Variants in ITGA4 observed in about 807,000 individuals in gnomAD.
ITGA4 encodes the protein integrin subunit alpha 4.
A neutral mutation model predicts 133.6 loss-of-function variants in ITGA4; 63 were observed. That is an observed-to-expected ratio of 0.47 (90% CI 0.38 to 0.58). The LOEUF (loss-of-function observed/expected upper bound fraction) is 0.58. Among genes scored for constraint, ITGA4 ranks in the 20% least tolerant of loss-of-function variants. The probability of loss-of-function intolerance (pLI) is 0.00; values close to 1 mark genes in which losing one functional copy is unlikely to be tolerated. For synonymous variants in ITGA4, 483 were observed against 438.0 expected (o/e 1.10, Z -1.28); for missense variants, 1,076 against 1,252.7 (o/e 0.86, Z 2.13).
intron 15 of ITGA4, among the ~76,000 whole-genome samples, chr2:181,505,913 C>T (rs530671909): frequency 2.0e-5 from 3 of 152,128 alleles, no homozygotes; most frequent in African/African-American, 7.2e-5. Context: ...ATGATTTAAT[C>T]AAGTTTGCTA....
At chr2:181,531,198 C>T (rs1574415178) in intron 24 of ITGA4, among the ~76,000 whole-genome samples, 1 of 152,204 alleles carries the variant, frequency 6.6e-6, no homozygotes, top group East Asian at 1.9e-4. Context: ...TTGTTCCAGA[C>T]CCTTCAGGAC....
intron 20 of ITGA4, among the ~76,000 whole-genome samples, chr2:181,524,606 C>T (rs1027263763): frequency 3.3e-5 from 5 of 151,996 alleles, no homozygotes; most frequent in African/African-American, 9.7e-5. Flanking sequence ...AATAGGAAAT[C>T]GTTAATGACT....
At chr2:181,531,802 C>T (rs558051520) in intron 25 of ITGA4, 26 bp downstream of exon 25, 8 of 1,546,108 alleles carry the variant, frequency 5.2e-6, no homozygotes, top group Non-Finnish European at 6.1e-6. Context: ...ACATTGACAA[C>T]TTGGTGGCTA....
In ITGA4 at chr2:181,535,533, T is replaced by C. The variant is rs1443540014; in HGVS notation, c.*6T>C. On this transcript the variant is annotated 3_prime_UTR_variant, in exon 28 of 28. Transcript: ENST00000397033. ...GTAAAAGCAATGATGATTAAGGACT[T>C]CTTTCAAATTGAGAGAATGGAAAAC... 6.3e-7 allele frequency: 1 copy of C among 1,596,658 alleles called. No homozygotes were observed.
chr2:181,513,647 T>A (rs1686549852), intron 17 of ITGA4, among the ~76,000 whole-genome samples: 1 of 152,090 alleles, frequency 6.6e-6, no homozygotes, highest in Admixed American at 6.6e-5. Flanking sequence ...CATTTTAGAC[T>A]TAAAATCTAA....
At chr2:181,515,818 C>T (rs1686592757) in intron 17 of ITGA4, among the ~76,000 whole-genome samples, 1 of 152,000 alleles carries the variant, frequency 6.6e-6, no homozygotes, top group South Asian at 2.1e-4. Flanking sequence ...AAACAGTAGG[C>T]GAATTGTGAC....
rs1385984165 is a variant in ITGA4 at position 181,536,039 on chromosome 2, C to T, written c.*512C>T. 6.6e-6 allele frequency: 1 copy of T among 151,952 alleles called. No individual in the cohort carries two copies. The highest frequency in any genetic ancestry group is 2.4e-5 in the African/African-American group (1 of 41,344). 9.4% of individuals were successfully genotyped at this position (151,952 alleles called of 1,614,324 possible). ...CGAGTGGACCATTATCACTTTAAAG[C>T]CCTTTATTTATAATACATTTCCTAC... is the stretch of plus-strand genomic sequence containing the variant. On this transcript the variant is annotated 3_prime_UTR_variant, in exon 28 of 28. Coordinates refer to ENST00000397033, the MANE Select transcript of ITGA4 (RefSeq NM_000885.6).
At chr2:181,494,683 T>G (rs1198071780) in intron 11 of ITGA4, 39 bp from the exon 12 acceptor site, 2 of 1,056,200 alleles carry the variant, frequency 1.9e-6, no homozygotes, top group African/African-American at 3.1e-5. Context: ...TATATTAGTA[T>G]TCAAAAACTA....
chr2:181,471,294 T>G (rs899057886), intron 2 of ITGA4, among the ~76,000 whole-genome samples: 3 of 152,172 alleles, frequency 2.0e-5, no homozygotes, highest in African/African-American at 7.2e-5. Flanking sequence ...CACCCATTTC[T>G]GGGCTGTTTG....
In ITGA4 at chr2:181,478,776, A is replaced by G. The variant is rs1685738799; in HGVS notation, c.576A>G (p.Gly192=). ...TTTTAGATTATGTGAAAAAATTTGG[A>G]GAAAATTTTGCATCATGTCAAGCTG... ...PCYQDYVKKF[G]ENFASCQAGI... The change falls in exon 5 of 28, where the codon GGA becomes GGG. Residue 192 remains glycine, a synonymous_variant. Transcript: ENST00000397033. 6.8e-7 allele frequency: 1 copy of G among 1,473,742 alleles called. No homozygotes were observed. The highest frequency in any genetic ancestry group is 9.2e-7 in the Non-Finnish European group (1 of 1,091,826). The allele number at this position is 1,473,742 out of a possible 1,614,324, so 91.3% of individuals were successfully genotyped here.
chr2:181,492,722 A>T (rs1019802545), intron 10 of ITGA4, among the ~76,000 whole-genome samples: 27 of 152,190 alleles, frequency 1.8e-4, no homozygotes, highest in African/African-American at 6.3e-4. Context: ...TTACAGAACA[A>T]ATCCTTTTTC....
chr2:181,457,268 G>C, upstream of ITGA4: 3 of 197,938 alleles, frequency 1.5e-5, no homozygotes, highest in South Asian at 2.4e-4. Flanking sequence ...GCCAGGACGC[G>C]AGTCCTGCGC....
intron 2 of ITGA4, among the ~76,000 whole-genome samples, chr2:181,472,122 G>C (rs1685568398): frequency 6.6e-6 from 1 of 152,202 alleles, no homozygotes; most frequent in Admixed American, 6.5e-5. Flanking sequence ...TGATGACATT[G>C]TGATGTTACC....
chr2:181,519,277 A>G lies in ITGA4; in HGVS notation c.1923-2914A>G, dbSNP rs115899362. ...AAACCGAACAAAACCAAGTTATATT[A>G]TTAAAAATCAAGGAGGGTGAGGACA... On this transcript the variant is annotated intron_variant, in intron 17 of 27. Transcript: ENST00000397033. Among the ~76,000 whole-genome samples, 483 of 152,262 alleles carry G rather than the reference A, an allele frequency of 3.2e-3. 4 individuals carry two copies. The highest frequency in any genetic ancestry group is 0.011 in the African/African-American group (460 of 41,572).
intron 15 of ITGA4, among the ~76,000 whole-genome samples, chr2:181,506,624 T>C (rs1330638584): frequency 1.3e-5 from 2 of 152,102 alleles, no homozygotes; most frequent in African/African-American, 4.8e-5. Context: ...AGAATAGATA[T>C]AGTCTTTTAT....
At chr2:181,508,221 A>C (rs1331244688) in intron 15 of ITGA4, among the ~76,000 whole-genome samples, 1 of 152,106 alleles carries the variant, frequency 6.6e-6, no homozygotes, top group South Asian at 2.1e-4. Context: ...TATTGAAAAA[A>C]AAAACTTGTG....
At chr2:181,505,134 C>T (rs996068965) in intron 15 of ITGA4, among the ~76,000 whole-genome samples, 5 of 151,936 alleles carry the variant, frequency 3.3e-5, no homozygotes, top group Non-Finnish European at 7.4e-5. Context: ...TTAGACATGC[C>T]TCTGTCAGAA....
chr2:181,501,912 T>C (rs531166217), intron 15 of ITGA4, among the ~76,000 whole-genome samples: 1 of 152,168 alleles, frequency 6.6e-6, no homozygotes, highest in South Asian at 2.1e-4. Flanking sequence ...ACTTAATATA[T>C]CTTTGGCATA....
Position 181,480,213 on chromosome 2 carries a change from A to G in ITGA4, c.701A>G (p.Lys234Arg). 6.6e-7 allele frequency: 1 copy of G among 1,526,458 alleles called. No homozygotes were observed. Among genetic ancestry groups the G allele is most frequent in the Non-Finnish European group, 8.8e-7 (1 of 1,132,468 alleles). 94.6% of individuals were successfully genotyped at this position (1,526,458 alleles called of 1,614,324 possible). ...TTTGTCTACAATATAACTACAAATA[A>G]ATACAAGGCTTTTTTAGACAAACAA... Reference protein sequence around the residue: ...SLFVYNITTNKYKAFLDKQNQ... With the variant: ...SLFVYNITTNRYKAFLDKQNQ... The change falls in exon 6 of 28, where the codon AAA becomes AGA. Residue 234 changes from lysine to arginine, a missense_variant. This residue lies in a region of ITGA4 where 436 missense variants were observed against 590.7 expected (regional missense o/e 0.74). Coordinates refer to ENST00000397033, the MANE Select transcript of ITGA4 (RefSeq NM_000885.6).
Sources: allele counts gnomAD v4.1 joint callset (sites outside exome capture counted in the v4.1 genomes callset), GRCh38; gene constraint gnomAD v4.1.1; regional missense constraint gnomAD v4.1.1; transcripts MANE v1.5; gene names NCBI Gene and HGNC (gene_info 2026-07-23, HGNC 2026-07-21).